Variants in TENM2 observed in about 807,000 individuals in gnomAD.
The protein encoded by TENM2 is teneurin-2.
A neutral mutation model predicts 245.2 loss-of-function variants in TENM2; 52 were observed. The observed-to-expected ratio is 0.21, with a 90% CI of 0.17 to 0.27. TENM2 has a LOEUF of 0.27. Among genes scored for constraint, TENM2 ranks in the 10% least tolerant of loss-of-function variants. The pLI is 1.00. For synonymous variants in TENM2, 1,363 were observed against 1,438.9 expected (o/e 0.95, Z 1.19); for missense variants, 3,046 against 3,666.8 (o/e 0.83, Z 4.37).
chr5:167,669,677 G>A (rs1755806162), intron 2 of TENM2, among the ~76,000 whole-genome samples: 1 of 152,042 alleles, frequency 6.6e-6, no homozygotes. Flanking sequence ...CAAATTAGAG[G>A]AAAGTTGGCT....
the TENM2 span, among the ~76,000 whole-genome samples, chr5:167,031,791 C>G: frequency 6.6e-6 from 1 of 152,080 alleles, no homozygotes; most frequent in East Asian, 1.9e-4. Flanking sequence ...TCTCGAACTC[C>G]CGAGCTCAGG....
chr5:168,210,781 C>T (rs1762748323), intron 19 of TENM2, among the ~76,000 whole-genome samples: 1 of 152,164 alleles, frequency 6.6e-6, no homozygotes. Context: ...TTCTCCTCAA[C>T]TGAAAGGGAA....
intron 2 of TENM2, among the ~76,000 whole-genome samples, chr5:167,391,918 G>A (rs1761782686): frequency 6.6e-6 from 1 of 152,072 alleles, no homozygotes; most frequent in South Asian, 2.1e-4. Context: ...AAGGGGAAAG[G>A]TAGAGAGAGA....
At chr5:167,516,014 A>AT (rs1033041355) in intron 2 of TENM2, among the ~76,000 whole-genome samples, 6 of 151,678 alleles carry the variant, frequency 4.0e-5, no homozygotes, top group South Asian at 2.1e-4. Context: ...GAGGACACAG[A>AT]TTTTTTTTTA....
the TENM2 span, among the ~76,000 whole-genome samples, chr5:167,089,380 C>T: frequency 2.6e-5 from 4 of 152,084 alleles, no homozygotes; most frequent in Non-Finnish European, 4.4e-5. Context: ...GCAAAATAGG[C>T]AAAACAAATG....
chr5:168,148,920 T>TAGAC (rs55919816), intron 12 of TENM2, among the ~76,000 whole-genome samples: 17 of 134,102 alleles, frequency 1.3e-4, no homozygotes, highest in South Asian at 2.3e-4. Flanking sequence ...GATAGATAGA[T>TAGAC]TGATAGATAG....
At chr5:167,112,867 T>A in the TENM2 span, among the ~76,000 whole-genome samples, 2 of 152,150 alleles carry the variant, frequency 1.3e-5, no homozygotes, top group Non-Finnish European at 2.9e-5. Flanking sequence ...CATCAAGACA[T>A]GTGGGCCAAA....
intron 25 of TENM2, among the ~76,000 whole-genome samples, chr5:168,243,988 G>A (rs1175104051): frequency 6.9e-6 from 1 of 145,800 alleles, no homozygotes; most frequent in African/African-American, 2.5e-5. Flanking sequence ...CACCCAGGCT[G>A]GAGTGCATGG....
chr5:168,173,957 G>A (rs1759094494), intron 13 of TENM2, among the ~76,000 whole-genome samples: 1 of 152,326 alleles, frequency 6.6e-6, no homozygotes, highest in Admixed American at 6.5e-5. Context: ...ATGCCTGTGT[G>A]GGGACCTCTG....
At chr5:167,101,067 A>G in the TENM2 span, among the ~76,000 whole-genome samples, 1 of 152,244 alleles carries the variant, frequency 6.6e-6, no homozygotes, top group East Asian at 1.9e-4. Flanking sequence ...AAATTTATAG[A>G]ACCTATAACC....
At chr5:168,246,836 T>C (rs1484948440) in exon 27 of TENM2, 2 of 1,614,016 alleles carry the variant, frequency 1.2e-6, no homozygotes, top group Non-Finnish European at 8.5e-7. Context: ...GCCGTCACCA[T>C]GCCCAGCGTG....
At chr5:167,715,736 C>T (rs945267211) in intron 2 of TENM2, among the ~76,000 whole-genome samples, 4 of 152,130 alleles carry the variant, frequency 2.6e-5, no homozygotes, top group South Asian at 2.1e-4. Context: ...AAAAAGTTCA[C>T]GTAGCAGAGT....
the TENM2 span, among the ~76,000 whole-genome samples, chr5:167,253,268 T>TC: frequency 6.6e-6 from 1 of 150,948 alleles, no homozygotes; most frequent in Admixed American, 6.6e-5. Flanking sequence ...TTTTTTTTTT[T>TC]TTAATTTTTC....
chr5:167,990,895 C>T (rs1203103800), intron 4 of TENM2, among the ~76,000 whole-genome samples: 3 of 152,166 alleles, frequency 2.0e-5, no homozygotes, highest in South Asian at 4.1e-4. Flanking sequence ...AGCAATCCTG[C>T]CTTAGAAGCC....
At chr5:167,280,756 G>GTCTGTCTATCTATCTATCTA (rs1424705114), upstream of TENM2, among the ~76,000 whole-genome samples, 4 of 145,982 alleles carry the variant, frequency 2.7e-5, no homozygotes, top group East Asian at 2.2e-4. Context: ...CTATCTGTCT[G>GTCTGTCTATCTATCTATCTA]TCTATCTATC....
chr5:167,663,178 G>GAA (rs1215998773), intron 2 of TENM2, among the ~76,000 whole-genome samples: 195 of 139,174 alleles, frequency 1.4e-3, no homozygotes, highest in African/African-American at 5.9e-3. Flanking sequence ...GAGAGAGAGA[G>GAA]AGAGAGAGAA....
intron 2 of TENM2, among the ~76,000 whole-genome samples, chr5:167,586,597 A>T (rs1775511610): frequency 6.6e-6 from 1 of 152,120 alleles, no homozygotes; most frequent in Non-Finnish European, 1.5e-5. Flanking sequence ...CCTATGTCTT[A>T]TGTGCAAACT....
chr5:167,916,358 A>G (rs1451121535), intron 3 of TENM2, among the ~76,000 whole-genome samples: 1 of 152,058 alleles, frequency 6.6e-6, no homozygotes, highest in Non-Finnish European at 1.5e-5. Context: ...ATTTTTGTTC[A>G]ATGAGTCAGA....
chr5:167,958,928 C>T (rs941769608), intron 4 of TENM2, among the ~76,000 whole-genome samples: 1 of 152,116 alleles, frequency 6.6e-6, no homozygotes, highest in Non-Finnish European at 1.5e-5. Flanking sequence ...TCCTTCATTT[C>T]AACCTTGGTG....
Sources: gnomAD v4.1 joint callset for allele counts (sites outside exome capture counted in the v4.1 genomes callset) on GRCh38, gnomAD v4.1.1 for gene constraint, MANE v1.5 for transcripts, NCBI Gene and HGNC (gene_info 2026-07-23, HGNC 2026-07-21) for gene names.